The following GTF3A variants were observed in gnomAD, a reference collection of about 807,000 sequenced individuals.
The protein encoded by GTF3A is general transcription factor IIIA.
GTF3A carries 40 observed loss-of-function variants against 37.6 expected under a neutral mutation model. The observed-to-expected ratio is 1.06, with a 90% CI of 0.83 to 1.38. GTF3A has a LOEUF of 1.38. Ranked by LOEUF, GTF3A falls within the 40% of genes most tolerant of loss-of-function variation. GTF3A has a pLI of 0.00. For missense variants in GTF3A, 500 were observed against 462.6 expected (o/e 1.08, Z -0.74); for synonymous variants, 191 against 166.7 (o/e 1.15, Z -1.12).
At chr13:27,425,012 C>A in intron 1 of GTF3A, 74 bp downstream of exon 1, 1 of 1,143,140 alleles carries the variant, frequency 8.7e-7, no homozygotes, top group Non-Finnish European at 1.2e-6. Context: ...GCAGTCGTGG[C>A]CAGGGCCGCA....
chr13:27,433,964 C>T (rs749950519), intron 5 of GTF3A, among the ~76,000 whole-genome samples, 175 bp from the exon 6 acceptor site: 1 of 152,198 alleles, frequency 6.6e-6, no homozygotes, highest in Non-Finnish European at 1.5e-5. Flanking sequence ...TGCCACTGTT[C>T]AGTTTTACTA....
chr13:27,428,216 G>C (rs1382460761), intron 2 of GTF3A, among the ~76,000 whole-genome samples: 2 of 152,132 alleles, frequency 1.3e-5, no homozygotes, highest in Admixed American at 1.3e-4. Context: ...AGGTGGCCTC[G>C]CTGTCTGTCC....
chr13:27,428,437 T>G (rs1211309627), intron 2 of GTF3A, among the ~76,000 whole-genome samples: 1 of 152,220 alleles, frequency 6.6e-6, no homozygotes, highest in Non-Finnish European at 1.5e-5. Context: ...AGCTGTGCAG[T>G]GCTTTCAAGC....
chr13:27,434,530 C>CTGTT (rs3841724), intron 6 of GTF3A: 339,156 of 555,086 alleles, frequency 0.61, 108,252 homozygotes, highest in South Asian at 0.69. Context: ...AGGAAGGACA[C>CTGTT]TGGTCTGCTT....
intron 2 of GTF3A, among the ~76,000 whole-genome samples, chr13:27,428,153 G>C (rs1953623062): frequency 6.6e-6 from 1 of 152,216 alleles, no homozygotes; most frequent in African/African-American, 2.4e-5. Flanking sequence ...ATTTGTCACA[G>C]TCAAACTGAG....
At chr13:27,427,231 G>C (rs777942200) in intron 2 of GTF3A, 39 bp downstream of exon 2, 1 of 960,646 alleles carries the variant, frequency 1.0e-6, no homozygotes, top group East Asian at 2.5e-5. Flanking sequence ...GAAGTGGGTT[G>C]TGTTGGGCAT....
At chr13:27,431,852 G>A (rs927561752) in intron 4 of GTF3A, among the ~76,000 whole-genome samples, 3 of 152,182 alleles carry the variant, frequency 2.0e-5, no homozygotes, top group Admixed American at 1.3e-4. Flanking sequence ...TACTGCATAT[G>A]CACATTTATA....
chr13:27,431,624 TG>T (rs1406085278), intron 4 of GTF3A, among the ~76,000 whole-genome samples: 2 of 142,834 alleles, frequency 1.4e-5, no homozygotes, highest in East Asian at 4.3e-4. Context: ...TTTGGGGACT[TG>T]GGGTGGGGAG....
rs1236522123 is a variant in GTF3A, at chr13:27,429,907, A to C, written c.340A>C (p.Lys114Gln). Residue 114 changes from lysine (K) to glutamine (Q), a missense_variant, in exon 3 of 9, where the codon AAA becomes CAA. By Grantham distance (53) the Lys-to-Gln change is moderately conservative (BLOSUM62 1). Transcript: ENST00000381140. The stretch of plus-strand genomic sequence containing the variant: ...TGGCTGTGATCAAAAATTCAACACA[A>C]AATCAAACTTGAAGAAACATTTTGA... 3.3e-6 allele frequency: 5 copies of C among 1,538,118 alleles called. No homozygotes were observed. The highest frequency in any genetic ancestry group is 3.5e-6 in the Non-Finnish European group (4 of 1,142,824).
chr13:27,428,412 G>A (rs941639879), intron 2 of GTF3A, among the ~76,000 whole-genome samples: 10 of 152,254 alleles, frequency 6.6e-5, no homozygotes, highest in African/African-American at 9.6e-5. Context: ...GTGCCCTCCC[G>A]TGTGCTTCCC....
chr13:27,427,170 C>G lies in GTF3A; in HGVS notation c.280C>G (p.His94Asp). The stretch of plus-strand genomic sequence containing the variant: ...CCATCTGAGCCGCCACATTCTGACT[C>G]ACACAGGAGAAAAGCCGTTTGTGTA... The change falls in exon 2 of 9, where the codon CAC (histidine) becomes GAC (aspartate). Residue 94 changes from histidine (H) to aspartate (D), a missense_variant. Physicochemically the swap from His to Asp is moderately conservative, Grantham distance 81. Coordinates refer to ENST00000381140, the MANE Select transcript of GTF3A (RefSeq NM_002097.3). The G allele has an allele frequency of 6.3e-7, 1 of 1,597,642 alleles. No homozygotes were observed. Among genetic ancestry groups the G allele is most frequent in the South Asian group, 1.1e-5 (1 of 90,056 alleles).
At chr13:27,425,102 A>C in intron 1 of GTF3A, 164 bp downstream of exon 1, 1 of 540,966 alleles carries the variant, frequency 1.8e-6, no homozygotes, top group Non-Finnish European at 3.3e-6. Flanking sequence ...AAGTTGTAGG[A>C]CCTTCGTTCT....
chr13:27,426,989 A>G (rs1953609961), intron 1 of GTF3A, 103 bp from the exon 2 acceptor site: 1 of 666,340 alleles, frequency 1.5e-6, no homozygotes, highest in East Asian at 2.7e-5. Context: ...CCACCTCTTC[A>G]TAGGAAGCCT....
intron 2 of GTF3A, chr13:27,429,319 G>GAAAAAA (rs1953637356): frequency 2.2e-5 from 2 of 91,782 alleles, no homozygotes; most frequent in Non-Finnish European, 2.7e-5. Context: ...AAAAAAAAAG[G>GAAAAAA]AAAAGGCTTT....
At chr13:27,425,034 G>T in intron 1 of GTF3A, 96 bp downstream of exon 1, 1 of 850,394 alleles carries the variant, frequency 1.2e-6, no homozygotes. Flanking sequence ...GCCCCGCTGT[G>T]CAGCGCGTTC....
chr13:27,435,277 C>CT, intron 8 of GTF3A, 85 bp downstream of exon 8: 1 of 1,315,384 alleles, frequency 7.6e-7, no homozygotes. Context: ...TTCTTTTCAC[C>CT]TGCTTTACTG....
intron 4 of GTF3A, among the ~76,000 whole-genome samples, chr13:27,431,581 A>G (rs1953656846): frequency 6.7e-6 from 1 of 149,422 alleles, no homozygotes. Context: ...GCACTAAACT[A>G]TGAGGACAAA....
rs757928230 is a variant in GTF3A at position 27,435,584 on chromosome 13, T to G, written c.1085T>G (p.Leu362Arg). Residue 362 changes from leucine to arginine, a missense_variant, in exon 9 of 9, where the codon CTT (leucine) becomes CGT (arginine). By Grantham distance (102) the Leu-to-Arg change is moderately radical. Coordinates refer to ENST00000381140, the MANE Select transcript of GTF3A (RefSeq NM_002097.3). Reference sequence around the variant, plus strand: ...AAGATGCTCTCGACAGTTGCAGTACTTACCCTTGGCTAAGAACTGCACTGC... The same window carrying G: ...AAGATGCTCTCGACAGTTGCAGTACGTACCCTTGGCTAAGAACTGCACTGC... 4.3e-6 allele frequency: 7 copies of G among 1,613,698 alleles called. No homozygotes were observed. In the Admixed American group the frequency reaches 1.2e-4, roughly 27 times the overall value.
At chr13:27,426,737 C>T (rs531184088) in intron 1 of GTF3A, among the ~76,000 whole-genome samples, 1 of 152,232 alleles carries the variant, frequency 6.6e-6, no homozygotes, top group East Asian at 1.9e-4. Context: ...TTAAATCATG[C>T]GGTGGTGGGG....
Sources: gnomAD v4.1 joint callset for allele counts (sites outside exome capture counted in the v4.1 genomes callset) on GRCh38, gnomAD v4.1.1 for gene constraint, MANE v1.5 for transcripts, NCBI Gene and HGNC (gene_info 2026-07-23, HGNC 2026-07-21) for gene names.